NFIB: variants seen among roughly 807,000 people sequenced by gnomAD.
NFIB encodes nuclear factor I B.
A neutral mutation model predicts 61.5 loss-of-function variants in NFIB; 11 were observed. That is an observed-to-expected ratio of 0.18 (90% CI 0.11 to 0.30). The LOEUF (loss-of-function observed/expected upper bound fraction) is 0.30. Ranked by LOEUF, NFIB falls within the 10% of genes least tolerant of loss-of-function variation. The probability of loss-of-function intolerance (pLI) is 1.00; values close to 1 mark genes in which losing one functional copy is unlikely to be tolerated. For missense variants in NFIB, 471 were observed against 608.9 expected, an observed-to-expected ratio of 0.77 and a Z score of 2.38; for synonymous variants, 260 against 216.5, an observed-to-expected ratio of 1.20 and a Z score of -1.76.
intron 10 of NFIB, among the ~76,000 whole-genome samples, chr9:14,104,887 CTTCAGA>C (rs2036325874): frequency 6.6e-6 from 1 of 152,018 alleles, no homozygotes; most frequent in Admixed American, 6.6e-5. Flanking sequence ...TAATTATTAA[CTTCAGA>C]TTAGTATCTA....
chr9:14,134,438 A>G (rs2040763271), intron 6 of NFIB, among the ~76,000 whole-genome samples: 1 of 152,174 alleles, frequency 6.6e-6, no homozygotes, highest in African/African-American at 2.4e-5. Context: ...AGAACTAGAC[A>G]AGAATCACCC....
chr9:14,099,525 T>C (rs928937783), intron 10 of NFIB, among the ~76,000 whole-genome samples: 2 of 152,230 alleles, frequency 1.3e-5, no homozygotes, highest in African/African-American at 2.4e-5. Context: ...ACAAGGGCTA[T>C]TTGTATTATC....
chr9:14,261,003 A>T (rs991782868), intron 2 of NFIB, among the ~76,000 whole-genome samples: 14 of 152,072 alleles, frequency 9.2e-5, no homozygotes, highest in Non-Finnish European at 1.8e-4. Flanking sequence ...GAGGGAAAAA[A>T]GTCAAGACAA....
the NFIB span, among the ~76,000 whole-genome samples, chr9:14,516,024 C>G: frequency 6.6e-6 from 1 of 152,232 alleles, no homozygotes; most frequent in African/African-American, 2.4e-5. Flanking sequence ...GAGGGAGAAG[C>G]CAAAGCCATT....
chr9:14,509,077 G>C, the NFIB span, among the ~76,000 whole-genome samples: 2 of 152,164 alleles, frequency 1.3e-5, no homozygotes, highest in Non-Finnish European at 2.9e-5. Context: ...CCTAAAATGA[G>C]TTGTTTCATT....
chr9:14,259,014 G>C (rs2056489932), intron 2 of NFIB, among the ~76,000 whole-genome samples: 2 of 152,104 alleles, frequency 1.3e-5, no homozygotes, highest in African/African-American at 2.4e-5. Flanking sequence ...TAGTTCTATG[G>C]GGAGTGGGGG....
chr9:14,104,451 G>A (rs2118886769), intron 10 of NFIB, among the ~76,000 whole-genome samples: 1 of 151,858 alleles, frequency 6.6e-6, no homozygotes, highest in Admixed American at 6.6e-5. Flanking sequence ...TACTGTAAAA[G>A]TTTTAAAAGT....
intron 1 of NFIB, among the ~76,000 whole-genome samples, chr9:14,374,411 G>C (rs1452407146): frequency 1.3e-5 from 2 of 152,186 alleles, no homozygotes; most frequent in East Asian, 3.9e-4. Context: ...TGTTACTTCA[G>C]TACCAGCAGC....
At chr9:14,258,208 A>G (rs1477975313) in intron 2 of NFIB, among the ~76,000 whole-genome samples, 1 of 152,256 alleles carries the variant, frequency 6.6e-6, no homozygotes, top group Non-Finnish European at 1.5e-5. Context: ...GCTCTGATCT[A>G]ACAGAGCAAT....
At chr9:14,460,799 G>A in the NFIB span, among the ~76,000 whole-genome samples, 2 of 151,964 alleles carry the variant, frequency 1.3e-5, no homozygotes, top group Non-Finnish European at 2.9e-5. Flanking sequence ...ATTGCCCTAA[G>A]GATAATGAAA....
At chr9:14,286,666 T>TA (rs1275863895) in intron 2 of NFIB, among the ~76,000 whole-genome samples, 1 of 152,216 alleles carries the variant, frequency 6.6e-6, no homozygotes, top group African/African-American at 2.4e-5. Context: ...TAATTCTTCT[T>TA]AAACTGTCTC....
At chr9:14,418,563 C>T in the NFIB span, among the ~76,000 whole-genome samples, 8 of 152,192 alleles carry the variant, frequency 5.3e-5, no homozygotes, top group Non-Finnish European at 1.2e-4. Flanking sequence ...AAACTCAGTG[C>T]ACCATCCTAC....
intron 2 of NFIB, among the ~76,000 whole-genome samples, chr9:14,190,410 T>G (rs1247344020): frequency 1.3e-5 from 2 of 152,192 alleles, no homozygotes; most frequent in African/African-American, 4.8e-5. Flanking sequence ...AAAATAACTT[T>G]ATCAAAATAT....
At chr9:14,453,667 G>C in the NFIB span, among the ~76,000 whole-genome samples, 1 of 152,290 alleles carries the variant, frequency 6.6e-6, no homozygotes, top group Admixed American at 6.5e-5. Flanking sequence ...AGTAGAAATG[G>C]TCTAAAAATT....
chr9:14,317,731 A>C (rs928317568), upstream of NFIB, among the ~76,000 whole-genome samples: 1 of 152,200 alleles, frequency 6.6e-6, no homozygotes, highest in Non-Finnish European at 1.5e-5. Flanking sequence ...CTTCCCTGGA[A>C]GAACTCTAGG....
intron 4 of NFIB, among the ~76,000 whole-genome samples, chr9:14,151,800 TCA>T (rs1229322527): frequency 6.6e-6 from 1 of 152,086 alleles, no homozygotes; most frequent in Non-Finnish European, 1.5e-5. Flanking sequence ...CTTCAAAAGC[TCA>T]CACGAAATTG....
At chr9:14,459,315 T>C in the NFIB span, among the ~76,000 whole-genome samples, 2 of 152,210 alleles carry the variant, frequency 1.3e-5, no homozygotes, top group Non-Finnish European at 2.9e-5. Flanking sequence ...GCTAGCCATA[T>C]GTAGAAAGCT....
chr9:14,469,994 C>T, the NFIB span, among the ~76,000 whole-genome samples: 1 of 152,152 alleles, frequency 6.6e-6, no homozygotes, highest in Admixed American at 6.5e-5. Flanking sequence ...AGAACTATTG[C>T]AGAGATTCAC....
intron 2 of NFIB, chr9:14,305,620 T>C (rs1184410149): frequency 6.3e-6 from 1 of 159,994 alleles, no homozygotes; most frequent in East Asian, 1.8e-4. Flanking sequence ...AAGTGCAATG[T>C]CCAACACCAT....
Sources: allele counts gnomAD v4.1 joint callset (sites outside exome capture counted in the v4.1 genomes callset), GRCh38; gene constraint gnomAD v4.1.1; transcripts MANE v1.5; gene names NCBI Gene and HGNC (gene_info 2026-07-23, HGNC 2026-07-21).